EXOC6B: variants seen among roughly 807,000 people sequenced by gnomAD.
EXOC6B encodes exocyst complex component 6B, also known as SEC15 homolog B.
In EXOC6B, 54 loss-of-function variants were observed where a neutral mutation model predicts 113.5. That is an observed-to-expected ratio of 0.48 (90% CI 0.38 to 0.60). EXOC6B has a LOEUF of 0.60. Among genes scored for constraint, EXOC6B ranks in the 20% least tolerant of loss-of-function variants. The pLI, the probability that EXOC6B is intolerant of heterozygous loss-of-function variation, is 0.00. For missense variants in EXOC6B, 797 were observed against 977.5 expected (o/e 0.82, Z 2.46); for synonymous variants, 357 against 339.0 (o/e 1.05, Z -0.58).
intron 6 of EXOC6B, among the ~76,000 whole-genome samples, chr2:72,659,828 C>T (rs550837980): frequency 6.6e-6 from 1 of 152,278 alleles, no homozygotes; most frequent in African/African-American, 2.4e-5. Flanking sequence ...TTCACTACCA[C>T]ATCAATAAAT....
intron 3 of EXOC6B, among the ~76,000 whole-genome samples, chr2:72,732,738 G>C (rs527378993): frequency 1.2e-4 from 18 of 152,280 alleles, no homozygotes; most frequent in Non-Finnish European, 2.6e-4. Context: ...AAATAAGGTG[G>C]TTAGGAAAGG....
At position 72,251,964 on chromosome 2, in the gene EXOC6B, A is replaced by G. The variant is rs561044242; in HGVS notation, c.2197-67777T>C. 1.2e-4 allele frequency among the ~76,000 whole-genome samples: 18 copies of G among 152,286 alleles called. 1 individual carries two copies. The highest frequency in any genetic ancestry group is 4.1e-4 in the African/African-American group (17 of 41,558). On this transcript the variant is annotated intron_variant, in intron 20 of 21. Transcript: ENST00000272427. Reference sequence around the variant, plus strand: ...TCCCCCCCTTCTTCTCTTACAATGAATGAACAATCCTTGTCCCATCATTTC... The same window carrying G: ...TCCCCCCCTTCTTCTCTTACAATGAGTGAACAATCCTTGTCCCATCATTTC...
At chr2:72,407,213 G>A (rs1481934428) in intron 18 of EXOC6B, among the ~76,000 whole-genome samples, 3 of 152,130 alleles carry the variant, frequency 2.0e-5, no homozygotes, top group Admixed American at 2.0e-4. Context: ...TGAAATTGAG[G>A]CAATAATTAA....
intron 20 of EXOC6B, among the ~76,000 whole-genome samples, chr2:72,287,666 A>G (rs1685527521): frequency 6.6e-6 from 1 of 152,010 alleles, no homozygotes; most frequent in Non-Finnish European, 1.5e-5. Flanking sequence ...AATATTATGA[A>G]TGACTTTATG....
At chr2:72,366,144 G>A (rs185889748) in intron 19 of EXOC6B, among the ~76,000 whole-genome samples, 249 of 152,206 alleles carry the variant, frequency 1.6e-3, no homozygotes, top group Non-Finnish European at 2.9e-3. Flanking sequence ...ATATACGCAT[G>A]ATGGAACTGG....
intron 20 of EXOC6B, among the ~76,000 whole-genome samples, chr2:72,295,081 A>G (rs1686041483): frequency 6.6e-6 from 1 of 151,906 alleles, no homozygotes; most frequent in Non-Finnish European, 1.5e-5. Context: ...AAATATAAAA[A>G]TTAGCCGGGC....
chr2:72,271,540 G>A (rs1382463752), intron 20 of EXOC6B, among the ~76,000 whole-genome samples: 1 of 151,794 alleles, frequency 6.6e-6, no homozygotes, highest in Non-Finnish European at 1.5e-5. Context: ...AGGTAGGGAG[G>A]AAGAAGAAGG....
chr2:72,796,447 C>T lies in EXOC6B; in HGVS notation c.113+29351G>A, dbSNP rs543108650. 7.9e-4 allele frequency among the ~76,000 whole-genome samples: 107 copies of T among 136,246 alleles called. 1 individual carries two copies. In the South Asian group the frequency reaches 0.026, roughly 33 times the overall value. The allele number at this position is 136,246 out of a possible 152,430, so 89.4% of individuals were successfully genotyped here. ...CAGCATGGGTGACAGAGTGAGACTC[C>T]ATCTCCAAAAAAAAAAAAAAAAAGC... On this transcript the variant is annotated intron_variant, in intron 1 of 21. Coordinates refer to ENST00000272427, the MANE Select transcript of EXOC6B (RefSeq NM_015189.3).
chr2:72,615,589 A>T (rs746835834), intron 6 of EXOC6B, among the ~76,000 whole-genome samples: 1 of 132,226 alleles, frequency 7.6e-6, no homozygotes, highest in African/African-American at 2.9e-5. Flanking sequence ...TGCTGATATT[A>T]AAAAAAAAAA....
chr2:72,737,069 G>A (rs1420332580), intron 2 of EXOC6B, among the ~76,000 whole-genome samples: 1 of 152,160 alleles, frequency 6.6e-6, no homozygotes. Context: ...AGGCATGGTG[G>A]TTCATGCCTG....
intron 19 of EXOC6B, among the ~76,000 whole-genome samples, chr2:72,344,904 G>A (rs536881689): frequency 6.6e-6 from 1 of 151,938 alleles, no homozygotes; most frequent in Non-Finnish European, 1.5e-5. Flanking sequence ...CAACAATCCT[G>A]GGAAAACAAA....
At chr2:72,753,693 T>G (rs762561627) in intron 1 of EXOC6B, among the ~76,000 whole-genome samples, 1 of 152,178 alleles carries the variant, frequency 6.6e-6, no homozygotes, top group African/African-American at 2.4e-5. Flanking sequence ...TAGCATAGTA[T>G]GTAAGATGCC....
At chr2:72,811,320 G>GA (rs961240173) in intron 1 of EXOC6B, among the ~76,000 whole-genome samples, 15 of 148,774 alleles carry the variant, frequency 1.0e-4, no homozygotes, top group African/African-American at 2.7e-4. Context: ...CTGCTTAAAA[G>GA]AAAAAAAAAG....
chr2:72,668,953 G>A (rs1225084870), intron 6 of EXOC6B, among the ~76,000 whole-genome samples: 1 of 152,132 alleles, frequency 6.6e-6, no homozygotes, highest in African/African-American at 2.4e-5. Context: ...TGGGTGTGGT[G>A]GCATGCACCT....
At chr2:72,709,455 A>T (rs1340490320) in intron 6 of EXOC6B, among the ~76,000 whole-genome samples, 1 of 152,148 alleles carries the variant, frequency 6.6e-6, no homozygotes, top group Non-Finnish European at 1.5e-5. Context: ...GCTTCACTAC[A>T]TTCTGCACAC....
At position 72,294,414 on chromosome 2, in the gene EXOC6B, T is replaced by C. The variant is rs558695228; in HGVS notation, c.2196+40533A>G. Among the ~76,000 whole-genome samples, 4 of 152,246 alleles carry C rather than the reference T, an allele frequency of 2.6e-5. No homozygotes were observed. The East Asian group carries it at 7.7e-4, about 29-fold the overall frequency. On this transcript the variant is annotated intron_variant, in intron 20 of 21. Coordinates refer to ENST00000272427, the MANE Select transcript of EXOC6B (RefSeq NM_015189.3). ...ATAATTTTGACCAATGAAGCTCTAATTTCAAGGCATTCAGAATCAGGAAAT... is the reference window on the plus strand; with the variant it reads ...ATAATTTTGACCAATGAAGCTCTAACTTCAAGGCATTCAGAATCAGGAAAT...
At chr2:72,694,136 G>A (rs1677696070) in intron 6 of EXOC6B, among the ~76,000 whole-genome samples, 1 of 152,104 alleles carries the variant, frequency 6.6e-6, no homozygotes, top group Non-Finnish European at 1.5e-5. Context: ...TTTGAAAAGA[G>A]CTTTCTTCCT....
intron 19 of EXOC6B, among the ~76,000 whole-genome samples, chr2:72,374,714 T>C (rs1691245019): frequency 6.6e-6 from 1 of 151,562 alleles, no homozygotes; most frequent in South Asian, 2.1e-4. Flanking sequence ...AAATGATAAA[T>C]GCTTAAGGAG....
In EXOC6B at chr2:72,425,183, T is replaced by G. The variant is rs1695134710; in HGVS notation, c.1980+39977A>C. On this transcript the variant is annotated intron_variant, in intron 18 of 21. Transcript: ENST00000272427. ...TACCTGCTGTTTGTTTTATATCTTT[T>G]GCTTTATGGCCTGGATTTTATTAGT... 2.0e-5 allele frequency among the ~76,000 whole-genome samples: 3 copies of G among 152,356 alleles called. No homozygotes were observed. The South Asian group carries it at 6.2e-4, about 32-fold the overall frequency.
Sources: gnomAD v4.1 joint callset for allele counts (sites outside exome capture counted in the v4.1 genomes callset) on GRCh38, gnomAD v4.1.1 for gene constraint, MANE v1.5 for transcripts, NCBI Gene and HGNC (gene_info 2026-07-23, HGNC 2026-07-21) for gene names.